BFSP1: variants seen among roughly 807,000 people sequenced by gnomAD.
BFSP1 encodes the protein beaded filament structural protein 1, also known as filensin.
BFSP1 carries 38 observed loss-of-function variants against 43.9 expected under a neutral mutation model. The ratio of observed to expected loss-of-function variants is 0.87; its 90% CI spans 0.67 to 1.14. The LOEUF is 1.14. BFSP1 is among the 50% of genes most tolerant of loss of function. The probability of loss-of-function intolerance (pLI) is 0.00; values close to 1 mark genes in which losing one functional copy is unlikely to be tolerated. For synonymous variants in BFSP1, 352 were observed against 354.8 expected (o/e 0.99, Z 0.09); for missense variants, 850 against 875.1 (o/e 0.97, Z 0.36).
At chr20:17,537,043 G>A (rs1033870681) in intron 1 of BFSP1, among the ~76,000 whole-genome samples, 17 of 152,154 alleles carry the variant, frequency 1.1e-4, no homozygotes, top group African/African-American at 3.9e-4. Context: ...CCTAGCAAAC[G>A]AATACACTGC....
intron 2 of BFSP1, 66 bp downstream of exon 2, chr20:17,524,782 G>A: frequency 6.5e-7 from 1 of 1,533,340 alleles, no homozygotes; most frequent in Non-Finnish European, 9.0e-7. Context: ...TGTAAAACCT[G>A]CACTTCCACC....
chr20:17,558,622 C>A (rs2035033915), intron 1 of BFSP1: 1 of 1,517,782 alleles, frequency 6.6e-7, no homozygotes, highest in African/African-American at 1.4e-5. Flanking sequence ...TCCTAGAGTT[C>A]TTTAAAGCAA....
intron 2 of BFSP1, chr20:17,517,124 G>A (rs2023224): frequency 0.39 from 311,485 of 803,654 alleles, 61,488 homozygotes; most frequent in African/African-American, 0.49. Flanking sequence ...AGCACAAGAG[G>A]AAGAAGATTA....
At chr20:17,498,731 T>C in intron 6 of BFSP1, 89 bp downstream of exon 6, 1 of 1,422,316 alleles carries the variant, frequency 7.0e-7, no homozygotes, top group Admixed American at 2.0e-5. Flanking sequence ...ACATGCCCAC[T>C]GCCTATAACT....
At chr20:17,542,004 C>T (rs570923175) in intron 1 of BFSP1, among the ~76,000 whole-genome samples, 1 of 152,332 alleles carries the variant, frequency 6.6e-6, no homozygotes, top group African/African-American at 2.4e-5. Flanking sequence ...AAAAGTGCCA[C>T]TTTGCGAGGG....
At chr20:17,511,489 C>T (rs1319065919) in intron 4 of BFSP1, among the ~76,000 whole-genome samples, 9 of 152,194 alleles carry the variant, frequency 5.9e-5, no homozygotes, top group Admixed American at 2.0e-4. Flanking sequence ...AGAAGCTATC[C>T]GGATGGCAGA....
chr20:17,560,291 A>C (rs1383848394), upstream of BFSP1: 1 of 152,218 alleles, frequency 6.6e-6, no homozygotes, highest in Non-Finnish European at 1.5e-5. Flanking sequence ...TAAACCCTCC[A>C]GCCATCTCTT....
chr20:17,514,913 C>A, intron 2 of BFSP1, 97 bp from the exon 3 acceptor site: 1 of 1,079,518 alleles, frequency 9.3e-7, no homozygotes, highest in Non-Finnish European at 1.4e-6. Flanking sequence ...TGGGAGCTTA[C>A]TGAAATGCAG....
chr20:17,546,905 TC>T (rs2034810923), intron 1 of BFSP1, among the ~76,000 whole-genome samples: 1 of 151,058 alleles, frequency 6.6e-6, no homozygotes, highest in African/African-American at 2.4e-5. Context: ...GTACCTGTAA[TC>T]CCAGCTACTT....
At chr20:17,534,523 G>A (rs112465490), upstream of BFSP1, among the ~76,000 whole-genome samples, 667 of 152,246 alleles carry the variant, frequency 4.4e-3, 4 homozygotes, top group African/African-American at 0.015. Flanking sequence ...AGAAATACAC[G>A]TCTTTTATCT....
At position 17,498,844 on chromosome 20, in the gene BFSP1, C is replaced by T. The variant is rs745724447; in HGVS notation, c.932G>A (p.Arg311His). ...CCTGTTGCCTTCAATCTCGATGATACGATGATACCGGTCCAGCTCATTCTT... is the reference window on the plus strand; with the variant it reads ...CCTGTTGCCTTCAATCTCGATGATATGATGATACCGGTCCAGCTCATTCTT... ...TLKNELDRYH[R>H]IIEIEGNRLT... Residue 311 changes from arginine (R) to histidine (H), a missense_variant, in exon 6 of 8, where the codon CGT becomes CAT. Physicochemically the swap from Arg to His is conservative, Grantham distance 29. Coordinates refer to ENST00000377873, the MANE Select transcript of BFSP1 (RefSeq NM_001195.5). 73 of 1,613,092 alleles carry T rather than the reference C, an allele frequency of 4.5e-5. No homozygotes were observed. The highest frequency in any genetic ancestry group is 1.9e-4 in the Middle Eastern group (1 of 5,338).
chr20:17,526,425 T>G (rs905401718), intron 1 of BFSP1, among the ~76,000 whole-genome samples: 1 of 152,208 alleles, frequency 6.6e-6, no homozygotes, highest in African/African-American at 2.4e-5. Context: ...CATACAATAT[T>G]TTTCTTTCTG....
rs1312700747 is a variant in BFSP1 at position 17,507,595 on chromosome 20, CACACTTCACAT to C, written c.735+1283_735+1293del. 2.0e-5 allele frequency among the ~76,000 whole-genome samples: 3 copies of C among 151,990 alleles called. No individual in the cohort carries two copies. The highest frequency in any genetic ancestry group is 2.9e-5 in the Non-Finnish European group (2 of 67,982). On this transcript the variant is annotated intron_variant, in intron 5 of 7. Coordinates refer to ENST00000377873, the MANE Select transcript of BFSP1 (RefSeq NM_001195.5). This position sits in a 1 kb window ranked among gnomAD's most constrained non-coding sequence, Gnocchi z 4.4. ...ATACACATGACACACACACACCACA[CACACTTCACAT>C]ACACATCCCACATATATCACACATA...
chr20:17,555,505 T>C (rs532668105), intron 1 of BFSP1, among the ~76,000 whole-genome samples: 1 of 151,876 alleles, frequency 6.6e-6, no homozygotes, highest in South Asian at 2.1e-4. Context: ...ATAGAAAAAT[T>C]AGCCAGGCAT....
intron 3 of BFSP1, among the ~76,000 whole-genome samples, chr20:17,512,397 C>T (rs1267448303): frequency 9.6e-5 from 13 of 135,870 alleles, no homozygotes; most frequent in South Asian, 4.9e-4. Flanking sequence ...CCCTGGGTGG[C>T]GGAGGCACAA....
rs555378987 is a variant in BFSP1, at chr20:17,564,820, C to T, written n.51-1725G>A. 9.3e-4 allele frequency among the ~76,000 whole-genome samples: 142 copies of T among 152,314 alleles called. 1 individual carries two copies. The highest frequency in any genetic ancestry group is 2.8e-3 in the African/African-American group (117 of 41,576). Reference sequence around the variant, plus strand: ...GTCAGGCTGGTCCTGAACTCCTGACCTTAGGTGATCTGCCCATCTCAGCCT... The same window carrying T: ...GTCAGGCTGGTCCTGAACTCCTGACTTTAGGTGATCTGCCCATCTCAGCCT... On this transcript the variant is annotated intron_variant and non_coding_transcript_variant, in intron 1 of 6. Coordinates refer to the BFSP1 transcript ENST00000473415.
intron 5 of BFSP1, among the ~76,000 whole-genome samples, chr20:17,502,487 A>C (rs1158656254): frequency 2.0e-5 from 3 of 152,188 alleles, no homozygotes; most frequent in Non-Finnish European, 4.4e-5. Context: ...AAGACATGAC[A>C]CCTAAATGTG....
intron 2 of BFSP1, chr20:17,516,735 C>T (rs2034209297): frequency 1.0e-5 from 3 of 297,052 alleles, no homozygotes; most frequent in Non-Finnish European, 1.9e-5. Context: ...TCTTACAGAA[C>T]TTGAGAGTTG....
intron 1 of BFSP1, among the ~76,000 whole-genome samples, chr20:17,542,884 A>G (rs2034743050): frequency 6.6e-6 from 1 of 152,208 alleles, no homozygotes; most frequent in Non-Finnish European, 1.5e-5. Context: ...TTGCCTTATA[A>G]AGTTAAAATG....
Sources: allele counts gnomAD v4.1 joint callset (sites outside exome capture counted in the v4.1 genomes callset), GRCh38; gene constraint gnomAD v4.1.1; non-coding constraint Gnocchi (gnomAD v3.1); transcripts MANE v1.5; gene names NCBI Gene and HGNC (gene_info 2026-07-23, HGNC 2026-07-21).